Variants in CERKL observed in about 807,000 individuals in gnomAD.
CERKL encodes the protein CERK like autophagy regulator, also known as ceramide kinase-like protein.
In CERKL, 61 loss-of-function variants were observed where a neutral mutation model predicts 63.4. The observed-to-expected ratio is 0.96, with a 90% CI of 0.78 to 1.19. The LOEUF is 1.19. CERKL is among the 50% of genes most tolerant of loss of function. CERKL has a pLI of 0.00. For missense variants in CERKL, 675 were observed against 655.5 expected (o/e 1.03, Z -0.33); for synonymous variants, 250 against 230.5 (o/e 1.08, Z -0.77).
chr2:181,603,684 TA>T, intron 2 of CERKL, 152 bp downstream of exon 2: 1 of 797,344 alleles, frequency 1.3e-6, no homozygotes, highest in South Asian at 1.4e-5. Flanking sequence ...AAAAAGTATT[TA>T]GCAAATTTCA....
intron 5 of CERKL, among the ~76,000 whole-genome samples, chr2:181,554,255 A>G (rs953036972): frequency 2.0e-5 from 3 of 152,074 alleles, no homozygotes; most frequent in Non-Finnish European, 4.4e-5. Context: ...GAATATTCAT[A>G]AGGCTGTTAA....
At chr2:181,548,934 T>G (rs952026209) in intron 6 of CERKL, 77 bp from the exon 7 acceptor site, 2 of 1,317,452 alleles carry the variant, frequency 1.5e-6, no homozygotes, top group East Asian at 4.7e-5. Flanking sequence ...GAGAGCATAT[T>G]TATTGGCTTA....
chr2:181,546,576 T>C (rs1687734665), intron 10 of CERKL, among the ~76,000 whole-genome samples: 1 of 152,208 alleles, frequency 6.6e-6, no homozygotes, highest in Admixed American at 6.5e-5. Flanking sequence ...GCAGTTTCTC[T>C]TTTTTCTTCT....
At chr2:181,579,804 G>A (rs891643668) in intron 2 of CERKL, among the ~76,000 whole-genome samples, 2 of 151,704 alleles carry the variant, frequency 1.3e-5, no homozygotes, top group African/African-American at 4.9e-5. Flanking sequence ...TTTTCCAGAT[G>A]GCTATCTACC....
At chr2:181,579,252 A>C (rs1684395918) in intron 2 of CERKL, among the ~76,000 whole-genome samples, 1 of 151,930 alleles carries the variant, frequency 6.6e-6, no homozygotes, top group Non-Finnish European at 1.5e-5. Flanking sequence ...TACACTCTAC[A>C]AGGAATTTAG....
At chr2:181,543,153 T>C (rs1249890801) in intron 11 of CERKL, among the ~76,000 whole-genome samples, 1 of 152,232 alleles carries the variant, frequency 6.6e-6, no homozygotes, top group East Asian at 1.9e-4. Context: ...TCTACCAAGG[T>C]AATGACACTA....
At chr2:181,580,403 C>T (rs954897885) in intron 2 of CERKL, among the ~76,000 whole-genome samples, 16 of 152,064 alleles carry the variant, frequency 1.1e-4, no homozygotes, top group African/African-American at 2.9e-4. Context: ...TAATTGTAGG[C>T]CTTCCCTTTA....
In CERKL at chr2:181,537,187, G is replaced by C. The variant is rs1559063033; in HGVS notation, c.*997C>G. 1 of 453,362 alleles carries C rather than the reference G, an allele frequency of 2.2e-6. No individual in the cohort carries two copies. Among genetic ancestry groups the C allele is most frequent in the Admixed American group, 2.4e-5 (1 of 42,532 alleles). The allele number at this position is 453,362 out of a possible 1,614,324, so 28.1% of individuals were successfully genotyped here. A position where few individuals can be genotyped will look rare whatever the true frequency, so the allele number is the denominator to read the frequency against. Reference sequence around the variant, plus strand: ...TTTCAGGAGAACATCTAGGATCATAGATGAAAAATCAAGCCCCGATTTAGA... The same window carrying C: ...TTTCAGGAGAACATCTAGGATCATACATGAAAAATCAAGCCCCGATTTAGA... On this transcript the variant is annotated 3_prime_UTR_variant, in exon 13 of 13. Coordinates refer to ENST00000410087, the MANE Select transcript of CERKL (RefSeq NM_201548.5).
At chr2:181,561,724 T>A (rs376059800) in intron 4 of CERKL, among the ~76,000 whole-genome samples, 39 of 152,294 alleles carry the variant, frequency 2.6e-4, no homozygotes, top group African/African-American at 7.9e-4. Context: ...ATCTATTCTC[T>A]CTGAAGCCTG....
chr2:181,586,094 T>A (rs1684752409), intron 2 of CERKL, among the ~76,000 whole-genome samples: 1 of 152,042 alleles, frequency 6.6e-6, no homozygotes, highest in Non-Finnish European at 1.5e-5. Context: ...TGAAAGGAAC[T>A]GTAACAATAA....
chr2:181,633,700 C>G (rs1687061082), intron 1 of CERKL, among the ~76,000 whole-genome samples: 1 of 152,098 alleles, frequency 6.6e-6, no homozygotes. Context: ...TGTTGCTTTT[C>G]AGTCAAGATC....
intron 1 of CERKL, among the ~76,000 whole-genome samples, chr2:181,611,443 G>A (rs1243066595): frequency 2.0e-5 from 3 of 151,228 alleles, no homozygotes; most frequent in Non-Finnish European, 4.4e-5. Context: ...AGGATAACTT[G>A]AGCCCAGGAG....
chr2:181,544,561 G>C, intron 11 of CERKL, 139 bp downstream of exon 11: 1 of 591,106 alleles, frequency 1.7e-6, no homozygotes, highest in South Asian at 2.3e-5. Flanking sequence ...GGATGAAATA[G>C]ATTGGGAAAA....
chr2:181,644,026 T>C (rs1437810413), intron 1 of CERKL, among the ~76,000 whole-genome samples: 1 of 152,210 alleles, frequency 6.6e-6, no homozygotes, highest in Non-Finnish European at 1.5e-5. Context: ...TGCCAACAGG[T>C]GATCAGCGAT....
chr2:181,650,928 G>C (rs1206695239), intron 1 of CERKL, among the ~76,000 whole-genome samples: 1 of 152,112 alleles, frequency 6.6e-6, no homozygotes, highest in Non-Finnish European at 1.5e-5. Context: ...CATCAAATTT[G>C]ATAACATAGA....
intron 5 of CERKL, among the ~76,000 whole-genome samples, chr2:181,555,073 G>A (rs1688147508): frequency 6.6e-6 from 1 of 152,098 alleles, no homozygotes; most frequent in Non-Finnish European, 1.5e-5. Flanking sequence ...AATTATAATA[G>A]TGATAAAACT....
At chr2:181,649,967 C>T (rs1229611549) in intron 1 of CERKL, 2 of 152,760 alleles carry the variant, frequency 1.3e-5, no homozygotes, top group African/African-American at 4.8e-5. Context: ...CACCTGTAGT[C>T]CCAGCTACTT....
rs529449917 is a variant in CERKL, at chr2:181,611,375, A to G, written c.239-7296T>C. On this transcript the variant is annotated intron_variant, in intron 1 of 12. Coordinates refer to ENST00000410087, the MANE Select transcript of CERKL (RefSeq NM_201548.5). ...GAAGGCTACTCAGCTATTAAAATGT[A>G]GAGGTCAGTGTAGTGGCTAATGCCT... is the stretch of plus-strand genomic sequence containing the variant. 2.6e-5 allele frequency among the ~76,000 whole-genome samples: 4 copies of G among 152,260 alleles called. No homozygotes were observed. In the East Asian group the frequency reaches 7.7e-4, roughly 29 times the overall value.
At chr2:181,561,722 T>G (rs1688453856) in intron 4 of CERKL, among the ~76,000 whole-genome samples, 1 of 152,196 alleles carries the variant, frequency 6.6e-6, no homozygotes, top group Non-Finnish European at 1.5e-5. Flanking sequence ...CCATCTATTC[T>G]CTCTGAAGCC....
Sources: allele counts gnomAD v4.1 joint callset (sites outside exome capture counted in the v4.1 genomes callset), GRCh38; gene constraint gnomAD v4.1.1; transcripts MANE v1.5; gene names NCBI Gene and HGNC (gene_info 2026-07-23, HGNC 2026-07-21).